Variants in DNMT3B observed in about 807,000 individuals in gnomAD.
DNMT3B encodes DNA methyltransferase 3 beta.
A neutral mutation model predicts 120.2 loss-of-function variants in DNMT3B; 37 were observed. The observed-to-expected ratio is 0.31, with a 90% confidence interval of 0.24 to 0.40. DNMT3B has a LOEUF of 0.40. Among genes scored for constraint, DNMT3B ranks in the 10% least tolerant of loss-of-function variants. The probability of loss-of-function intolerance (pLI) is 1.00; values close to 1 mark genes in which losing one functional copy is unlikely to be tolerated. For synonymous variants in DNMT3B, 412 were observed against 442.8 expected (o/e 0.93, Z 0.87); for missense variants, 878 against 1,137.3 (o/e 0.77, Z 3.28).
intron 7 of DNMT3B, among the ~76,000 whole-genome samples, chr20:32,789,311 G>A (rs77042708): frequency 5.9e-5 from 9 of 152,292 alleles, no homozygotes; most frequent in African/African-American, 1.9e-4. Flanking sequence ...GAGTGGCCAC[G>A]TGAGCAAGTA....
chr20:32,767,538 TC>T (rs1987459586), intron 1 of DNMT3B, among the ~76,000 whole-genome samples: 2 of 151,820 alleles, frequency 1.3e-5, no homozygotes, highest in African/African-American at 4.8e-5. Flanking sequence ...CATTCCAGTA[TC>T]CTCCCACTTC....
rs994660418 is a variant in DNMT3B at position 32,807,746 on chromosome 20, A to G, written c.2421-16A>G. The G allele has an allele frequency of 1.2e-6, 2 of 1,613,546 alleles. No homozygotes were observed. Among genetic ancestry groups the G allele is most frequent in the Non-Finnish European group, 1.7e-6 (2 of 1,179,966 alleles). On this transcript the variant is annotated splice_polypyrimidine_tract_variant and intron_variant, in intron 22 of 22. Coordinates refer to ENST00000328111, the MANE Select transcript of DNMT3B (RefSeq NM_006892.4). ...GGCACTTCTGACTTGCTGTCTTTTC[A>G]CTCCGGTACCCCCAGGATCTTTGGC...
intron 1 of DNMT3B, among the ~76,000 whole-genome samples, chr20:32,772,774 CATT>C (rs1181978774): frequency 6.6e-6 from 1 of 151,146 alleles, no homozygotes; most frequent in African/African-American, 2.4e-5. Flanking sequence ...AAGGTAATGA[CATT>C]ATTTTATTCC....
At position 32,788,995 on chromosome 20, in the gene DNMT3B, G is replaced by A; in HGVS notation, c.796G>A (p.Asp266Asn). 6.2e-7 allele frequency: 1 copy of A among 1,614,154 alleles called. No homozygotes were observed. ...SGMRWVQWFG[D>N]GKFSEVSADK... ...CATGCGGTGGGTCCAGTGGTTTGGC[G>A]ATGGCAAGTTCTCCGAGGTGAGTCC... The change falls in exon 7 of 23, where the codon GAT (aspartate) becomes AAT (asparagine). Residue 266 changes from aspartate (D) to asparagine (N), a missense_variant. This residue lies in a region of DNMT3B where 50 missense variants were observed against 89.7 expected (regional missense o/e 0.56). Transcript: ENST00000328111.
intron 6 of DNMT3B, 77 bp from the exon 7 acceptor site, chr20:32,788,776 AG>A (rs1979627965): frequency 6.3e-7 from 1 of 1,584,098 alleles, no homozygotes; most frequent in African/African-American, 1.3e-5. Flanking sequence ...TGTTGCCCTC[AG>A]GGACAGTGGA....
chr20:32,771,502 G>A lies in DNMT3B; in HGVS notation c.-7+8803G>A, dbSNP rs376358383. ...CTAAAAATACAAAAATTAGCCGGGC[G>A]TGGTGGCATGTGCCTGTAATCCCAA... On this transcript the variant is annotated intron_variant, in intron 1 of 22. Coordinates refer to ENST00000328111, the MANE Select transcript of DNMT3B (RefSeq NM_006892.4). Among the ~76,000 whole-genome samples the A allele has an allele frequency of 1.6e-3, 243 of 152,110 alleles. 2 individuals are homozygous for A. Among genetic ancestry groups the A allele is most frequent in the African/African-American group, 5.5e-3 (230 of 41,498 alleles).
Position 32,784,805 on chromosome 20 carries a change from C to T in DNMT3B, c.252C>T (p.Thr84=), listed in dbSNP as rs773308791. The T allele has an allele frequency of 2.0e-5, 33 of 1,613,924 alleles. No homozygotes were observed. The highest frequency in any genetic ancestry group is 4.0e-5 in the African/African-American group (3 of 74,862). ...GDGEDGDGSD[T]PVMPKLFRET... ...GGGAAGATGGGGATGGCTCTGACAC[C>T]CCAGTCATGCCAAAGCTCTTCCGGG... Residue 84 remains threonine (T), a synonymous_variant, in exon 4 of 23, where the codon ACC becomes ACT. Transcript: ENST00000328111.
At chr20:32,774,593 G>A (rs1368893841) in intron 1 of DNMT3B, among the ~76,000 whole-genome samples, 1 of 150,392 alleles carries the variant, frequency 6.6e-6, no homozygotes, top group Non-Finnish European at 1.5e-5. Flanking sequence ...TGGGGATTGG[G>A]CTTCTGGTGT....
At chr20:32,805,501 C>T in intron 21 of DNMT3B, 94 bp downstream of exon 21, 1 of 1,461,434 alleles carries the variant, frequency 6.8e-7, no homozygotes, top group Non-Finnish European at 9.5e-7. Flanking sequence ...GTTCCTACTC[C>T]TCCCCCCACG....
chr20:32,806,498 C>T (rs537378397), intron 22 of DNMT3B, among the ~76,000 whole-genome samples, 171 bp downstream of exon 22: 75 of 152,188 alleles, frequency 4.9e-4, no homozygotes, highest in African/African-American at 1.8e-3. Context: ...ACAAAAATGG[C>T]GGAGGGGGTG....
chr20:32,799,891 T>C (rs1981109029), intron 16 of DNMT3B, among the ~76,000 whole-genome samples: 1 of 151,698 alleles, frequency 6.6e-6, no homozygotes, highest in African/African-American at 2.4e-5. Flanking sequence ...ATCTTGAACT[T>C]GATTTTCATT....
In DNMT3B at chr20:32,777,868, C is replaced by T. The variant is rs554460123; in HGVS notation, c.-6-2450C>T. Reference sequence around the variant, plus strand: ...TGATTGGTCTGATTCAGGCACGTCCCTTGTCCTTGGTAGGGGAAATTCCTT... The same window carrying T: ...TGATTGGTCTGATTCAGGCACGTCCTTTGTCCTTGGTAGGGGAAATTCCTT... On this transcript the variant is annotated intron_variant, in intron 1 of 22. Coordinates refer to ENST00000328111, the MANE Select transcript of DNMT3B (RefSeq NM_006892.4). Among the ~76,000 whole-genome samples, 9 of 152,350 alleles carry T rather than the reference C, an allele frequency of 5.9e-5. No homozygotes were observed. In the East Asian group the frequency reaches 1.3e-3, roughly 23 times the overall value.
chr20:32,787,611 C>T (rs1177147561), intron 6 of DNMT3B, among the ~76,000 whole-genome samples, 160 bp downstream of exon 6: 2 of 152,222 alleles, frequency 1.3e-5, no homozygotes, highest in East Asian at 1.9e-4. Context: ...TCCATATGCA[C>T]CACGGACCTT....
chr20:32,783,025 G>A (rs1978814190), intron 3 of DNMT3B, among the ~76,000 whole-genome samples: 1 of 152,084 alleles, frequency 6.6e-6, no homozygotes, highest in African/African-American at 2.4e-5. Flanking sequence ...CCAGGCCCAA[G>A]CGATTCCCCT....
intron 1 of DNMT3B, among the ~76,000 whole-genome samples, chr20:32,773,910 C>T (rs1987897825): frequency 7.1e-6 from 1 of 141,344 alleles, no homozygotes; most frequent in African/African-American, 2.7e-5. Context: ...TATTAACAGG[C>T]ATGAGCCACT....
At chr20:32,793,754 C>T (rs1170581517) in intron 10 of DNMT3B, among the ~76,000 whole-genome samples, 159 bp downstream of exon 10, 1 of 152,166 alleles carries the variant, frequency 6.6e-6, no homozygotes, top group African/African-American at 2.4e-5. Context: ...CACAAATACC[C>T]TCCAGGTTAA....
chr20:32,779,800 G>A (rs540989285), intron 1 of DNMT3B: 42 of 522,842 alleles, frequency 8.0e-5, no homozygotes, highest in Non-Finnish European at 1.3e-4. Context: ...GGAGAGAAGC[G>A]GTTCTGTGGG....
intron 1 of DNMT3B, among the ~76,000 whole-genome samples, chr20:32,765,647 C>G (rs570113483): frequency 1.1e-3 from 164 of 151,166 alleles, no homozygotes; most frequent in Middle Eastern, 3.4e-3. Flanking sequence ...TCTCAAACTC[C>G]TGACCTCAAG....
At chr20:32,800,589 G>T (rs1332745620) in intron 17 of DNMT3B, among the ~76,000 whole-genome samples, 2 of 152,134 alleles carry the variant, frequency 1.3e-5, no homozygotes, top group Non-Finnish European at 2.9e-5. Flanking sequence ...CTCCCAAAGT[G>T]CTGGGATTAC....
Sources: allele counts gnomAD v4.1 joint callset (sites outside exome capture counted in the v4.1 genomes callset), GRCh38; gene constraint gnomAD v4.1.1; regional missense constraint gnomAD v4.1.1; transcripts MANE v1.5; gene names NCBI Gene and HGNC (gene_info 2026-07-23, HGNC 2026-07-21).